Variants in ATG7 observed in about 807,000 individuals in gnomAD.
ATG7 encodes the protein autophagy related 7.
A neutral mutation model predicts 82.4 loss-of-function variants in ATG7; 70 were observed. The observed-to-expected ratio is 0.85, with a 90% CI of 0.70 to 1.04. The LOEUF (loss-of-function observed/expected upper bound fraction) is 1.04, where lower values mean the gene tolerates loss of function less well. Among genes scored for constraint, ATG7 ranks in the 50% least tolerant of loss-of-function variants. The pLI is 0.00. For missense variants in ATG7, 792 were observed against 864.3 expected (o/e 0.92, Z 1.05); for synonymous variants, 287 against 313.0 (o/e 0.92, Z 0.88).
intron 18 of ATG7, among the ~76,000 whole-genome samples, chr3:11,372,822 G>T (rs572371044): frequency 8.5e-6 from 1 of 117,688 alleles, no homozygotes; most frequent in African/African-American, 4.5e-5. Flanking sequence ...GTGTGCGCGC[G>T]TGTGCGTGTG....
chr3:11,462,504 G>A (rs747455488), intron 20 of ATG7, among the ~76,000 whole-genome samples: 2 of 152,110 alleles, frequency 1.3e-5, no homozygotes, highest in African/African-American at 4.8e-5. Flanking sequence ...GCAGGGCAGC[G>A]TGAACACTTT....
At chr3:11,440,614 G>A (rs145523115) in intron 20 of ATG7, among the ~76,000 whole-genome samples, 4 of 143,654 alleles carry the variant, frequency 2.8e-5, no homozygotes, top group Non-Finnish European at 6.0e-5. Flanking sequence ...GTGAGCCACC[G>A]CGCCCGGCCT....
At chr3:11,502,831 A>G (rs1017207780) in intron 20 of ATG7, among the ~76,000 whole-genome samples, 26 of 152,172 alleles carry the variant, frequency 1.7e-4, no homozygotes, top group Admixed American at 8.5e-4. Context: ...CTAAGAAGCA[A>G]TTAGATCCCC....
intron 8 of ATG7, 86 bp downstream of exon 8, chr3:11,313,506 C>G (rs1459752419): frequency 5.4e-6 from 5 of 929,202 alleles, no homozygotes; most frequent in Non-Finnish European, 6.5e-6. Flanking sequence ...CAAACAGGCA[C>G]TTCTCTGGAT....
chr3:11,303,048 G>A (rs971433610), intron 5 of ATG7, among the ~76,000 whole-genome samples: 2 of 152,214 alleles, frequency 1.3e-5, no homozygotes, highest in South Asian at 4.1e-4. Context: ...CTTCCATGTT[G>A]TGGCTCCATT....
In ATG7 at chr3:11,557,333, ATTGT is replaced by A. The variant is rs930043974; in HGVS notation, c.*2491_*2494del. On this transcript the variant is annotated 3_prime_UTR_variant, in exon 21 of 21. Transcript: ENST00000693202. ...AAGCGTATAAAACACCATATCACAG[ATTGT>A]CTGTCAGTAATCTGCTGTTCAGCCA... is the stretch of plus-strand genomic sequence containing the variant. The A allele has an allele frequency of 8.9e-5, 13 of 146,626 alleles. No homozygotes were observed. The highest frequency in any genetic ancestry group is 7.0e-3 in the Middle Eastern group (2 of 286). The allele number at this position is 146,626 out of a possible 1,614,324, so 9.1% of individuals were successfully genotyped here.
the ATG7 span, among the ~76,000 whole-genome samples, chr3:11,574,539 T>G: frequency 2.0e-5 from 3 of 152,112 alleles, no homozygotes; most frequent in African/African-American, 7.2e-5. Flanking sequence ...GATACAAAAT[T>G]ACAGCCAGGT....
intron 20 of ATG7, among the ~76,000 whole-genome samples, chr3:11,508,477 CAG>C (rs1475743922): frequency 1.3e-5 from 2 of 152,236 alleles, no homozygotes; most frequent in African/African-American, 4.8e-5. Flanking sequence ...AAATAAGAGA[CAG>C]AGTCTTGCTC....
downstream of ATG7, among the ~76,000 whole-genome samples, chr3:11,559,147 C>G (rs1451361367): frequency 2.0e-5 from 3 of 152,204 alleles, no homozygotes; most frequent in Non-Finnish European, 4.4e-5. Context: ...CGGTGTGTTT[C>G]TCATGCCCTT....
At chr3:11,409,866 T>C (rs1056647027) in intron 19 of ATG7, among the ~76,000 whole-genome samples, 2 of 152,012 alleles carry the variant, frequency 1.3e-5, no homozygotes, top group African/African-American at 4.8e-5. Context: ...CTTTGCCCCA[T>C]TGTCAAAGAT....
At chr3:11,283,177 C>G (rs1398596414) in intron 3 of ATG7, among the ~76,000 whole-genome samples, 1 of 152,202 alleles carries the variant, frequency 6.6e-6, no homozygotes, top group Non-Finnish European at 1.5e-5. Context: ...TAGTGGGAGA[C>G]TGACCATTTC....
intron 14 of ATG7, among the ~76,000 whole-genome samples, chr3:11,351,479 G>T (rs2075539770): frequency 6.6e-6 from 1 of 152,180 alleles, no homozygotes. Flanking sequence ...AAACCAGGGT[G>T]GCTGCAACAT....
At chr3:11,558,237 A>C, downstream of ATG7, 1 of 410,196 alleles carries the variant, frequency 2.4e-6, no homozygotes, top group Non-Finnish European at 4.4e-6. Flanking sequence ...TGACTGAGAA[A>C]GCGCTGTGGA....
chr3:11,522,605 C>T (rs1450866414), intron 20 of ATG7, among the ~76,000 whole-genome samples: 4 of 151,532 alleles, frequency 2.6e-5, no homozygotes, highest in Non-Finnish European at 3.0e-5. Context: ...CAGAAGGAAT[C>T]GTGCCCCAAG....
chr3:11,417,810 A>ATTTTTTTTTTTTTTTTT (rs368598930), intron 19 of ATG7, among the ~76,000 whole-genome samples: 2 of 97,986 alleles, frequency 2.0e-5, no homozygotes, highest in Non-Finnish European at 3.9e-5. Context: ...ATTTTATTTT[A>ATTTTTTTTTTTTTTTTT]TTTTATTTTT....
the ATG7 span, among the ~76,000 whole-genome samples, chr3:11,574,724 CAT>C: frequency 6.6e-6 from 1 of 151,834 alleles, no homozygotes; most frequent in South Asian, 2.1e-4. Context: ...CTACATGACA[CAT>C]GTCGAAACTT....
chr3:11,349,624 G>A (rs986483918), intron 14 of ATG7, among the ~76,000 whole-genome samples: 9 of 152,296 alleles, frequency 5.9e-5, no homozygotes, highest in Non-Finnish European at 1.3e-4. Flanking sequence ...TTTGTAAGTT[G>A]CACAGCATTA....
At chr3:11,552,033 G>A (rs973895323) in intron 20 of ATG7, among the ~76,000 whole-genome samples, 5 of 152,160 alleles carry the variant, frequency 3.3e-5, no homozygotes, top group Non-Finnish European at 7.4e-5. Context: ...ACAGGCGTGC[G>A]CCACCACGCC....
At chr3:11,277,480 AAG>A (rs1942065905) in intron 1 of ATG7, 1 of 152,392 alleles carries the variant, frequency 6.6e-6, no homozygotes, top group Non-Finnish European at 1.5e-5. Flanking sequence ...AAAGAGTACA[AAG>A]AGAGGAATTT....
Sources: allele counts gnomAD v4.1 joint callset (sites outside exome capture counted in the v4.1 genomes callset), GRCh38; gene constraint gnomAD v4.1.1; transcripts MANE v1.5; gene names NCBI Gene and HGNC (gene_info 2026-07-23, HGNC 2026-07-21).